SERTM1: variants seen among roughly 807,000 people sequenced by gnomAD.
SERTM1 encodes serine rich and transmembrane domain containing 1.
In SERTM1, 1 loss-of-function variant was observed where a neutral mutation model predicts 5.5. The observed-to-expected ratio is 0.18, with a 90% CI of 0.06 to 0.86. The LOEUF is 0.86. SERTM1 is among the 40% of genes least tolerant of loss of function. SERTM1 has a pLI of 0.69. For synonymous variants in SERTM1, 52 were observed against 55.1 expected (o/e 0.94, Z 0.25); for missense variants, 91 against 122.4 (o/e 0.74, Z 1.21).
intron 1 of SERTM1, among the ~76,000 whole-genome samples, chr13:36,679,779 G>C (rs2056692207): frequency 6.6e-6 from 1 of 152,092 alleles, no homozygotes. Flanking sequence ...AAGTATTTGT[G>C]TGCGAATAAG....
intron 1 of SERTM1, among the ~76,000 whole-genome samples, chr13:36,693,154 C>T (rs1040825283): frequency 2.6e-5 from 4 of 152,164 alleles, no homozygotes; most frequent in Non-Finnish European, 5.9e-5. Context: ...AATCAATTAG[C>T]TTCTTTATTT....
chr13:36,678,956 C>T (rs1013524831), intron 1 of SERTM1, among the ~76,000 whole-genome samples: 1 of 152,060 alleles, frequency 6.6e-6, no homozygotes, highest in African/African-American at 2.4e-5. Flanking sequence ...GTTCATGCAA[C>T]AAGCAGTAGA....
At chr13:36,685,351 C>T (rs896133519) in intron 1 of SERTM1, among the ~76,000 whole-genome samples, 7 of 152,186 alleles carry the variant, frequency 4.6e-5, no homozygotes, top group Non-Finnish European at 7.3e-5. Flanking sequence ...TGTTTTCTCC[C>T]TTCCCAGGTG....
At chr13:36,681,482 A>C (rs757643646) in intron 1 of SERTM1, among the ~76,000 whole-genome samples, 1 of 152,168 alleles carries the variant, frequency 6.6e-6, no homozygotes, top group Non-Finnish European at 1.5e-5. Flanking sequence ...TGAATTTTTC[A>C]AGCTGTTTTT....
At chr13:36,682,650 C>T (rs182536337) in intron 1 of SERTM1, among the ~76,000 whole-genome samples, 92 of 152,128 alleles carry the variant, frequency 6.0e-4, no homozygotes, top group African/African-American at 2.1e-3. Flanking sequence ...ATGCCTGGAA[C>T]GCAAATCTTA....
At chr13:36,689,382 G>C (rs1324896857) in intron 1 of SERTM1, among the ~76,000 whole-genome samples, 2 of 151,796 alleles carry the variant, frequency 1.3e-5, no homozygotes, top group Non-Finnish European at 2.9e-5. Context: ...GCAGGTGCCT[G>C]TAATCCCCGC....
In SERTM1 at chr13:36,697,509, C is replaced by G. The variant is rs1289915822; in HGVS notation, c.*2107C>G. 1 of 166,338 alleles carries G rather than the reference C, an allele frequency of 6.0e-6. No homozygotes were observed. The highest frequency in any genetic ancestry group is 2.4e-5 in the African/African-American group (1 of 41,168). The allele number at this position is 166,338 out of a possible 1,614,324, so 10.3% of individuals were successfully genotyped here. The stretch of plus-strand genomic sequence containing the variant: ...ATAAAAGGACAAATTTGCCACACAA[C>G]AGAACAATCTGAGTATGATCTGTCC... On this transcript the variant is annotated 3_prime_UTR_variant, in exon 2 of 2. Coordinates refer to ENST00000315190, the MANE Select transcript of SERTM1 (RefSeq NM_203451.3).
intron 1 of SERTM1, among the ~76,000 whole-genome samples, chr13:36,682,571 GAGGATATGTACACATATA>G (rs1247822201): frequency 1.3e-5 from 2 of 152,164 alleles, no homozygotes; most frequent in African/African-American, 4.8e-5. Context: ...AAGTTAGGGA[GAGGATATGTACACATATA>G]AGGATTGAAC....
chr13:36,683,352 A>G (rs866213490), intron 1 of SERTM1, among the ~76,000 whole-genome samples: 35 of 152,280 alleles, frequency 2.3e-4, no homozygotes, highest in African/African-American at 7.7e-4. Context: ...GAGTTTTAAT[A>G]TATTACATAC....
chr13:36,680,131 A>G (rs370660092), intron 1 of SERTM1, among the ~76,000 whole-genome samples: 1 of 152,228 alleles, frequency 6.6e-6, no homozygotes, highest in African/African-American at 2.4e-5. Flanking sequence ...GATAAGGGAT[A>G]AGGGATACTC....
chr13:36,684,811 G>C (rs1368486691), intron 1 of SERTM1, among the ~76,000 whole-genome samples: 10 of 152,126 alleles, frequency 6.6e-5, no homozygotes, highest in African/African-American at 2.2e-4. Context: ...GCTCAGCCTT[G>C]ATAAAGGACT....
At chr13:36,687,604 T>C (rs2138092911) in intron 1 of SERTM1, among the ~76,000 whole-genome samples, 1 of 152,354 alleles carries the variant, frequency 6.6e-6, no homozygotes, top group Non-Finnish European at 1.5e-5. Context: ...GAGAACTTGA[T>C]ACATTGGTTA....
rs139953424 is a variant in SERTM1 at position 36,688,798 on chromosome 13, C to A, written c.-173-6108C>A. ...ACTTATGATCTTCAAGTCATTATTTCTCTGGCTGTTGGCTTTTTCTGTCAA... is the reference window on the plus strand; with the variant it reads ...ACTTATGATCTTCAAGTCATTATTTATCTGGCTGTTGGCTTTTTCTGTCAA... On this transcript the variant is annotated intron_variant, in intron 1 of 1. Coordinates refer to ENST00000315190, the MANE Select transcript of SERTM1 (RefSeq NM_203451.3). Among the ~76,000 whole-genome samples the A allele has an allele frequency of 4.5e-4, 69 of 152,214 alleles. 1 individual carries two copies. The East Asian group carries it at 0.013, about 29-fold the overall frequency.
chr13:36,683,518 A>T (rs1037090848), intron 1 of SERTM1, among the ~76,000 whole-genome samples: 16 of 152,214 alleles, frequency 1.1e-4, no homozygotes, highest in African/African-American at 3.9e-4. Flanking sequence ...CCCAAATCTC[A>T]GTGGCTTAAA....
chr13:36,679,831 AGGAATT>A (rs2138085057), intron 1 of SERTM1, among the ~76,000 whole-genome samples: 1 of 152,346 alleles, frequency 6.6e-6, no homozygotes, highest in African/African-American at 2.4e-5. Context: ...AAATTCAGTC[AGGAATT>A]ATGGTGATAC....
intron 1 of SERTM1, among the ~76,000 whole-genome samples, chr13:36,674,442 T>G (rs2056657288): frequency 1.3e-5 from 2 of 152,118 alleles, no homozygotes; most frequent in South Asian, 4.1e-4. Context: ...CTCCACGGGC[T>G]GCAGGAGGAG....
At chr13:36,691,823 G>A (rs1014843163) in intron 1 of SERTM1, among the ~76,000 whole-genome samples, 4 of 152,090 alleles carry the variant, frequency 2.6e-5, no homozygotes, top group African/African-American at 4.8e-5. Flanking sequence ...TTTCATTTCC[G>A]CAGTGCAACC....
chr13:36,686,619 A>T (rs2056743139), intron 1 of SERTM1, among the ~76,000 whole-genome samples: 1 of 152,184 alleles, frequency 6.6e-6, no homozygotes, highest in Non-Finnish European at 1.5e-5. Context: ...AGTTGCTGAT[A>T]ATATGAAGCT....
chr13:36,689,583 C>A (rs2056764919), intron 1 of SERTM1, among the ~76,000 whole-genome samples: 1 of 149,410 alleles, frequency 6.7e-6, no homozygotes, highest in Non-Finnish European at 1.5e-5. Flanking sequence ...TAAATAAATG[C>A]AAGGGACTTA....
Sources: allele counts gnomAD v4.1 joint callset (sites outside exome capture counted in the v4.1 genomes callset), GRCh38; gene constraint gnomAD v4.1.1; transcripts MANE v1.5; gene names NCBI Gene and HGNC (gene_info 2026-07-23, HGNC 2026-07-21).